PDE10A: variants seen among roughly 807,000 people sequenced by gnomAD.
PDE10A encodes the protein phosphodiesterase 10A.
A neutral mutation model predicts 97.7 loss-of-function variants in PDE10A; 39 were observed. The ratio of observed to expected loss-of-function variants is 0.40; its 90% CI spans 0.31 to 0.52. PDE10A has a LOEUF of 0.52. PDE10A is among the 20% of genes least tolerant of loss of function. The pLI is 0.56. For synonymous variants in PDE10A, 371 were observed against 376.8 expected (o/e 0.98, Z 0.18); for missense variants, 731 against 1,047.8 (o/e 0.70, Z 4.17).
At chr6:165,592,138 C>T (rs1028459500) in intron 1 of PDE10A, among the ~76,000 whole-genome samples, 6 of 152,128 alleles carry the variant, frequency 3.9e-5, no homozygotes, top group Non-Finnish European at 8.8e-5. Context: ...GAACAGAGGC[C>T]TCAGAAATAA....
intron 1 of PDE10A, among the ~76,000 whole-genome samples, chr6:165,755,646 T>G (rs1332007810): frequency 1.3e-5 from 2 of 152,130 alleles, no homozygotes; most frequent in Non-Finnish European, 2.9e-5. Flanking sequence ...GTTGCAAGAC[T>G]GCAAAGGGAA....
At chr6:165,823,486 A>T (rs1383637389) in intron 1 of PDE10A, among the ~76,000 whole-genome samples, 1 of 45,292 alleles carries the variant, frequency 2.2e-5, no homozygotes, top group Non-Finnish European at 5.7e-5. Flanking sequence ...TTAACTTTAT[A>T]TATATATATA....
intron 1 of PDE10A, among the ~76,000 whole-genome samples, chr6:165,722,589 T>C (rs187494703): frequency 7.2e-5 from 11 of 152,332 alleles, no homozygotes; most frequent in African/African-American, 2.6e-4. Context: ...TCATAAAAGT[T>C]ATGTGAGCGT....
intron 1 of PDE10A, among the ~76,000 whole-genome samples, chr6:165,631,310 C>T (rs1021481528): frequency 5.9e-5 from 9 of 152,102 alleles, no homozygotes; most frequent in African/African-American, 2.2e-4. Context: ...TATACACACA[C>T]GTATGTATAC....
intron 1 of PDE10A, among the ~76,000 whole-genome samples, chr6:165,885,557 C>T (rs73023404): frequency 3.3e-5 from 5 of 152,276 alleles, no homozygotes; most frequent in African/African-American, 7.2e-5. Flanking sequence ...GAGGTGGGAA[C>T]GGCAGCAAAG....
intron 2 of PDE10A, among the ~76,000 whole-genome samples, chr6:165,536,161 C>T (rs1482724945): frequency 6.6e-6 from 1 of 151,826 alleles, no homozygotes; most frequent in Admixed American, 6.6e-5. Flanking sequence ...GAAATAAATC[C>T]ATATTTTTTA....
chr6:165,368,159 C>T (rs1368878591), intron 18 of PDE10A, among the ~76,000 whole-genome samples: 1 of 152,096 alleles, frequency 6.6e-6, no homozygotes, highest in African/African-American at 2.4e-5. Context: ...CCACACCTGG[C>T]TAATTTTTGT....
At chr6:165,891,357 A>T (rs943857110) in intron 1 of PDE10A, among the ~76,000 whole-genome samples, 2 of 152,056 alleles carry the variant, frequency 1.3e-5, no homozygotes, top group East Asian at 3.9e-4. Context: ...GTTCTTTGTC[A>T]CTCAGCCCTG....
At chr6:165,515,379 T>C (rs1307902276) in intron 2 of PDE10A, among the ~76,000 whole-genome samples, 2 of 152,074 alleles carry the variant, frequency 1.3e-5, no homozygotes, top group Non-Finnish European at 2.9e-5. Context: ...AATAATTACA[T>C]GAAATTCTAA....
intron 1 of PDE10A, among the ~76,000 whole-genome samples, chr6:165,809,716 T>C (rs1485446759): frequency 6.6e-6 from 1 of 152,148 alleles, no homozygotes; most frequent in Non-Finnish European, 1.5e-5. Context: ...TTGTTAACAT[T>C]TGTAGGAAAA....
intron 1 of PDE10A, among the ~76,000 whole-genome samples, chr6:165,703,653 T>G (rs950306288): frequency 1.3e-5 from 2 of 152,264 alleles, no homozygotes; most frequent in Non-Finnish European, 2.9e-5. Flanking sequence ...GTTCAGGAAC[T>G]GTCCAATTTG....
chr6:165,464,381 A>C (rs1246043185), intron 3 of PDE10A, among the ~76,000 whole-genome samples: 1 of 152,096 alleles, frequency 6.6e-6, no homozygotes, highest in Non-Finnish European at 1.5e-5. Context: ...TAATTACCTC[A>C]CCCAACATGT....
intron 1 of PDE10A, among the ~76,000 whole-genome samples, chr6:165,654,871 C>A (rs142993564): frequency 1.3e-5 from 2 of 152,130 alleles, no homozygotes; most frequent in African/African-American, 4.8e-5. Flanking sequence ...AACTCCAGGC[C>A]GTGCTACCTT....
At position 165,711,824 on chromosome 6, in the gene PDE10A, T is replaced by C. The variant is rs903125952; in HGVS notation, c.-614-168256A>G. Reference sequence around the variant, plus strand: ...CTGTGTTATATTGTCTGTACCTTAGTGTAAAATGCTTTAGCATAAACAGCG... The same window carrying C: ...CTGTGTTATATTGTCTGTACCTTAGCGTAAAATGCTTTAGCATAAACAGCG... On this transcript the variant is annotated intron_variant, in intron 1 of 19. Transcript: ENST00000366882. This position sits in a 1 kb window ranked among gnomAD's most constrained non-coding sequence, Gnocchi z 4.5. 6.6e-6 allele frequency among the ~76,000 whole-genome samples: 1 copy of C among 152,214 alleles called. No homozygotes were observed. Among genetic ancestry groups the C allele is most frequent in the African/African-American group, 2.4e-5 (1 of 41,448 alleles).
chr6:165,922,953 G>C (rs1320777070), intron 1 of PDE10A, among the ~76,000 whole-genome samples: 3 of 152,322 alleles, frequency 2.0e-5, no homozygotes, highest in Middle Eastern at 3.4e-3. Flanking sequence ...AGTCTACACA[G>C]AGGATGACTT....
At position 165,711,449 on chromosome 6, in the gene PDE10A, T is replaced by A. The variant is rs1791893225; in HGVS notation, c.-614-167881A>T. Among the ~76,000 whole-genome samples the A allele has an allele frequency of 6.6e-6, 1 of 152,210 alleles. No individual in the cohort carries two copies. On this transcript the variant is annotated intron_variant, in intron 1 of 19. Coordinates refer to the PDE10A transcript ENST00000366882. The surrounding 1 kb of genome is among the most constrained non-coding windows in gnomAD (Gnocchi z 4.5). ...ATTCATGTTAGCTAGAACACCCTGC[T>A]TCTGGTCTTGTCTGGTGGACTCTGC...
intron 21 of PDE10A, among the ~76,000 whole-genome samples, chr6:165,334,621 T>C (rs1170666567): frequency 6.6e-6 from 1 of 152,186 alleles, no homozygotes; most frequent in Non-Finnish European, 1.5e-5. Flanking sequence ...ACTTTCTCTT[T>C]AATTTTGCAC....
At chr6:165,733,377 A>T (rs1583010039) in intron 1 of PDE10A, among the ~76,000 whole-genome samples, 1 of 152,130 alleles carries the variant, frequency 6.6e-6, no homozygotes, top group East Asian at 1.9e-4. Context: ...CCTTGTGTAA[A>T]CCAGTAATTT....
At chr6:165,572,015 G>T (rs189328846) in intron 1 of PDE10A, among the ~76,000 whole-genome samples, 46 of 152,352 alleles carry the variant, frequency 3.0e-4, no homozygotes, top group Admixed American at 7.8e-4. Context: ...GCACAGAGCA[G>T]TGAAGCACAG....
Sources: gnomAD v4.1 joint callset for allele counts (sites outside exome capture counted in the v4.1 genomes callset) on GRCh38, gnomAD v4.1.1 for gene constraint, Gnocchi (gnomAD v3.1) non-coding constraint, MANE v1.5 for transcripts, NCBI Gene and HGNC (gene_info 2026-07-23, HGNC 2026-07-21) for gene names.